MRTFB: variants seen among roughly 807,000 people sequenced by gnomAD.
MRTFB encodes the protein myocardin related transcription factor B, also known as myocardin-related transcription factor B.
MRTFB carries 29 observed loss-of-function variants against 104.2 expected under a neutral mutation model. The observed-to-expected ratio is 0.28, with a 90% CI of 0.21 to 0.38. MRTFB has a LOEUF of 0.38. MRTFB is among the 10% of genes least tolerant of loss of function. The probability of loss-of-function intolerance (pLI) is 1.00; values close to 1 mark genes in which losing one functional copy is unlikely to be tolerated. For synonymous variants in MRTFB, 535 were observed against 519.5 expected (o/e 1.03, Z -0.41); for missense variants, 1,270 against 1,341.6 (o/e 0.95, Z 0.83).
chr16:14,179,012 G>C (rs1246142801), intron 3 of MRTFB, among the ~76,000 whole-genome samples: 1 of 152,054 alleles, frequency 6.6e-6, no homozygotes, highest in Non-Finnish European at 1.5e-5. Flanking sequence ...CAAAGTGCGG[G>C]AATTACAGGC....
intron 13 of MRTFB, among the ~76,000 whole-genome samples, chr16:14,249,561 G>A (rs1400258962): frequency 2.6e-5 from 4 of 152,158 alleles, no homozygotes; most frequent in Admixed American, 6.5e-5. Context: ...ATCAATTCCA[G>A]TTCACCATTG....
intron 3 of MRTFB, among the ~76,000 whole-genome samples, chr16:14,194,686 C>A (rs898207782): frequency 7.1e-6 from 1 of 140,106 alleles, no homozygotes; most frequent in East Asian, 2.1e-4. Context: ...GGAAGTATTT[C>A]TTTTTGTATG....
chr16:14,256,374 T>C (rs1255727210), intron 15 of MRTFB, among the ~76,000 whole-genome samples: 1 of 152,192 alleles, frequency 6.6e-6, no homozygotes, highest in Non-Finnish European at 1.5e-5. Context: ...TTTTAAGATA[T>C]GTCTGCAAAT....
chr16:14,144,016 A>G (rs557315173), intron 3 of MRTFB: 2 of 152,360 alleles, frequency 1.3e-5, no homozygotes, highest in African/African-American at 4.8e-5. Context: ...GCTACTTTGT[A>G]ACGACACCCA....
intron 3 of MRTFB, among the ~76,000 whole-genome samples, chr16:14,169,309 A>G (rs2039347885): frequency 6.6e-6 from 1 of 152,070 alleles, no homozygotes; most frequent in Admixed American, 6.5e-5. Flanking sequence ...TCTCCTTCTT[A>G]TGTTCTTTCC....
intron 3 of MRTFB, among the ~76,000 whole-genome samples, chr16:14,186,084 G>A (rs962316594): frequency 9.2e-5 from 14 of 152,330 alleles, no homozygotes; most frequent in Middle Eastern, 3.4e-3. Context: ...TCATGGCAAT[G>A]TTAACTCTCC....
At chr16:14,025,213 C>G in the MRTFB span, among the ~76,000 whole-genome samples, 1 of 152,214 alleles carries the variant, frequency 6.6e-6, no homozygotes, top group Non-Finnish European at 1.5e-5. Context: ...CAGGGTTTCA[C>G]TTTGCCTCCC....
chr16:14,146,002 C>T (rs1214430928), intron 3 of MRTFB, among the ~76,000 whole-genome samples: 2 of 152,260 alleles, frequency 1.3e-5, no homozygotes, highest in African/African-American at 2.4e-5. Flanking sequence ...GGTAAGCTGA[C>T]AGGCAGAGCA....
rs919478792 is a variant in MRTFB at position 14,234,216 on chromosome 16, G to A, written c.764G>A (p.Arg255Gln). ...CCAACTGCAGATCAGCCTCCCCCAC[G>A]GCCTGCAGCTCCTGTCCTCCCCACA... ...TPPTADQPPP[R>Q]PAAPVLPTNT... Residue 255 changes from arginine to glutamine, a missense_variant, in exon 9 of 17, where the codon CGG becomes CAG. Physicochemically the swap from Arg to Gln is conservative, Grantham distance 43 (BLOSUM62 1). This residue lies in a region of MRTFB where 1,144 missense variants were observed against 1,131.5 expected (regional missense o/e 1.01). Coordinates refer to ENST00000571589, the MANE Select transcript of MRTFB (RefSeq NM_001308142.2). 7 of 1,613,856 alleles carry A rather than the reference G, an allele frequency of 4.3e-6. No individual in the cohort carries two copies. The highest frequency in any genetic ancestry group is 5.9e-6 in the Non-Finnish European group (7 of 1,179,990).
chr16:14,024,690 A>G, the MRTFB span, among the ~76,000 whole-genome samples: 3 of 152,362 alleles, frequency 2.0e-5, no homozygotes, highest in South Asian at 6.2e-4. Flanking sequence ...TAAATGAAAT[A>G]CAGCACCTCC....
chr16:14,035,712 A>T, the MRTFB span, among the ~76,000 whole-genome samples: 3 of 151,582 alleles, frequency 2.0e-5, no homozygotes, highest in Non-Finnish European at 4.4e-5. Flanking sequence ...AAAAAAAATG[A>T]TTTCCATATA....
In MRTFB at chr16:14,233,335, G is replaced by A. The variant is rs117118983; in HGVS notation, c.694-811G>A. 5.3e-5 allele frequency among the ~76,000 whole-genome samples: 8 copies of A among 152,276 alleles called. No individual in the cohort carries two copies. The East Asian group carries it at 1.5e-3, about 29-fold the overall frequency. Reference sequence around the variant, plus strand: ...GAGTTCTAGTCAGATTTGGAGAGAGGAACAGAGGGTGTAAAGCACATTTAT... The same window carrying A: ...GAGTTCTAGTCAGATTTGGAGAGAGAAACAGAGGGTGTAAAGCACATTTAT... On this transcript the variant is annotated intron_variant, in intron 8 of 16. Coordinates refer to ENST00000571589, the MANE Select transcript of MRTFB (RefSeq NM_001308142.2).
chr16:14,160,942 G>A (rs1220535963), intron 3 of MRTFB, among the ~76,000 whole-genome samples: 3 of 152,012 alleles, frequency 2.0e-5, no homozygotes, highest in African/African-American at 7.2e-5. Context: ...CTTCATCTTG[G>A]AATTAGCCCT....
chr16:14,246,499 G>A lies in MRTFB; in HGVS notation c.1239G>A (p.Lys413=). The A allele has an allele frequency of 1.2e-6, 2 of 1,614,182 alleles. No homozygotes were observed. The highest frequency in any genetic ancestry group is 4.5e-5 in the East Asian group (2 of 44,884). Residue 413 remains lysine, a synonymous_variant, in exon 12 of 17, where the codon AAG becomes AAA. Coordinates refer to ENST00000571589, the MANE Select transcript of MRTFB (RefSeq NM_001308142.2). ...LKVSELKTEL[K]LRGLPVSGTK... ...TATCAGAACTGAAGACAGAACTGAA[G>A]TTAAGGGGTCTGCCAGTGTCAGGCA...
In MRTFB at chr16:14,246,755, G is replaced by A. The variant is rs974436868; in HGVS notation, c.1495G>A (p.Val499Ile). 14 of 1,614,036 alleles carry A rather than the reference G, an allele frequency of 8.7e-6. No individual in the cohort carries two copies. The highest frequency in any genetic ancestry group is 4.0e-5 in the African/African-American group (3 of 74,916). Residue 499 changes from valine to isoleucine, a missense_variant, in exon 12 of 17, where the codon GTT (valine) becomes ATT (isoleucine). Val to Ile is a conservative substitution (Grantham distance 29). Around this residue, in one of 3 missense-constraint regions of MRTFB, gnomAD observed 1,144 missense variants for 1,131.5 expected, o/e 1.01. Coordinates refer to ENST00000571589, the MANE Select transcript of MRTFB (RefSeq NM_001308142.2). Reference sequence around the variant, plus strand: ...CAGCAACGCAACCCGTGTGGAAAATGTTCATTCCCCTCTGCCCATTTCACC... The same window carrying A: ...CAGCAACGCAACCCGTGTGGAAAATATTCATTCCCCTCTGCCCATTTCACC... The part of the protein sequence containing the change: ...GTSNATRVEN[V>I]HSPLPISPSP...
At chr16:14,105,298 C>T (rs1009199361) in intron 2 of MRTFB, among the ~76,000 whole-genome samples, 1 of 152,044 alleles carries the variant, frequency 6.6e-6, no homozygotes, top group Non-Finnish European at 1.5e-5. Context: ...TTGTTGATGA[C>T]ATCTTTTATA....
chr16:14,234,040 CT>C (rs548069966), intron 8 of MRTFB, 105 bp from the exon 9 acceptor site: 448 of 1,405,504 alleles, frequency 3.2e-4, no homozygotes, highest in Admixed American at 6.4e-4. Flanking sequence ...TCCTTTGCTT[CT>C]TTTCTAGTGG....
rs548995205 is a variant in MRTFB at position 14,141,841 on chromosome 16, G to GTT, written c.154+1095_154+1096dup. 1,221 of 138,614 alleles carry GTT rather than the reference G, an allele frequency of 8.8e-3. 18 individuals carry two copies. The highest frequency in any genetic ancestry group is 0.028 in the African/African-American group (1,059 of 37,836). The allele number at this position is 138,614 out of a possible 1,614,324, so 8.6% of individuals were successfully genotyped here. A position where few individuals can be genotyped will look rare whatever the true frequency, so the allele number is the denominator to read the frequency against. On this transcript the variant is annotated intron_variant, in intron 3 of 16. Transcript: ENST00000571589. Reference sequence around the variant, plus strand: ...ACAGCCCTTGACCATTTTGATAGGTGTTTTTTTTTTTTTTTGAGACAGAGT... The same window carrying GTT: ...ACAGCCCTTGACCATTTTGATAGGTGTTTTTTTTTTTTTTTTTGAGACAGAGT...
At position 14,260,957 on chromosome 16, in the gene MRTFB, G is replaced by C; in HGVS notation, c.2813G>C (p.Arg938Thr). The C allele has an allele frequency of 1.2e-6, 2 of 1,613,768 alleles. No homozygotes were observed. Among genetic ancestry groups the C allele is most frequent in the Non-Finnish European group, 1.7e-6 (2 of 1,179,854 alleles). ...GAACCTTCTCCTATTTCCAAAATGA[G>C]ACCAGTGACAGCCAGCATCACCACA... ...KEEPSPISKM[R>T]PVTASITTMP... The change falls in exon 17 of 17, where the codon AGA becomes ACA. Residue 938 changes from arginine (R) to threonine (T), a missense_variant. This residue lies in a region of MRTFB where 1,144 missense variants were observed against 1,131.5 expected (regional missense o/e 1.01). Coordinates refer to ENST00000571589, the MANE Select transcript of MRTFB (RefSeq NM_001308142.2).
Sources: gnomAD v4.1 joint callset for allele counts (sites outside exome capture counted in the v4.1 genomes callset) on GRCh38, gnomAD v4.1.1 for gene constraint, gnomAD v4.1.1 regional missense constraint, MANE v1.5 for transcripts, NCBI Gene and HGNC (gene_info 2026-07-23, HGNC 2026-07-21) for gene names.